EGFLAM: variants seen among roughly 807,000 people sequenced by gnomAD.
EGFLAM encodes EGF like, fibronectin type III and laminin G domains.
EGFLAM carries 79 observed loss-of-function variants against 113.1 expected under a neutral mutation model. The observed-to-expected ratio is 0.70, with a 90% confidence interval of 0.58 to 0.84. EGFLAM has a LOEUF of 0.84. Ranked by LOEUF, EGFLAM falls within the 40% of genes least tolerant of loss-of-function variation. EGFLAM has a pLI of 0.00. For missense variants in EGFLAM, 1,265 were observed against 1,291.6 expected (o/e 0.98, Z 0.32); for synonymous variants, 504 against 487.6 (o/e 1.03, Z -0.44).
At chr5:38,421,167 A>C (rs1273262170) in intron 12 of EGFLAM, among the ~76,000 whole-genome samples, 3 of 152,032 alleles carry the variant, frequency 2.0e-5, no homozygotes, top group African/African-American at 7.2e-5. Flanking sequence ...CTTCCCACTA[A>C]ACCCGTTTTT....
rs898731981 is a variant in EGFLAM at position 38,363,232 on chromosome 5, T to C, written c.546-7064T>C. Among the ~76,000 whole-genome samples the C allele has an allele frequency of 2.6e-5, 4 of 152,272 alleles. No homozygotes were observed. In the East Asian group the frequency reaches 5.8e-4, roughly 22 times the overall value. On this transcript the variant is annotated intron_variant, in intron 5 of 21. Transcript: ENST00000322350. ...AAATTGACTGATTCGGAGGCTCTTC[T>C]GAGCATGAGGTTTCCTCTCACCCCT... is the stretch of plus-strand genomic sequence containing the variant.
rs79671258 is a variant in EGFLAM, at chr5:38,441,745, G to A, written c.2464+3290G>A. Among the ~76,000 whole-genome samples, 887 of 152,242 alleles carry A rather than the reference G, an allele frequency of 5.8e-3. 7 individuals are homozygous for A. The highest frequency in any genetic ancestry group is 0.019 in the African/African-American group (806 of 41,536). ...TCAGAGCCTTTGCTATGCTCTGAGC[G>A]TCTAAGAGGTGAGTACAGGACACAG... On this transcript the variant is annotated intron_variant, in intron 17 of 21. Transcript: ENST00000322350.
At chr5:38,383,031 A>G (rs1259785645) in intron 6 of EGFLAM, among the ~76,000 whole-genome samples, 1 of 152,218 alleles carries the variant, frequency 6.6e-6, no homozygotes, top group Non-Finnish European at 1.5e-5. Context: ...TAGTTCCCAC[A>G]CTTACAGAGC....
intron 1 of EGFLAM, among the ~76,000 whole-genome samples, chr5:38,327,063 G>A (rs1030576733): frequency 1.3e-5 from 2 of 152,212 alleles, no homozygotes; most frequent in African/African-American, 4.8e-5. Flanking sequence ...CTCCCAAACT[G>A]TTGGGATTAC....
At chr5:38,365,919 T>C (rs1457532130) in intron 5 of EGFLAM, among the ~76,000 whole-genome samples, 1 of 152,130 alleles carries the variant, frequency 6.6e-6, no homozygotes, top group African/African-American at 2.4e-5. Context: ...TGCTTTAATA[T>C]AGTCAACGAG....
At chr5:38,399,059 T>C (rs3110226) in intron 6 of EGFLAM, among the ~76,000 whole-genome samples, 60,353 of 151,998 alleles carry the variant, frequency 0.4, 15,830 homozygotes, top group African/African-American at 0.76. Flanking sequence ...ACGTAGCTCA[T>C]TCTAAGAGCC....
chr5:38,382,953 G>C (rs1430649741), intron 6 of EGFLAM, among the ~76,000 whole-genome samples: 1 of 152,162 alleles, frequency 6.6e-6, no homozygotes, highest in East Asian at 1.9e-4. Flanking sequence ...GGATCCTTAG[G>C]GAGTGCAGGG....
chr5:38,434,359 T>C (rs1224181688), intron 15 of EGFLAM, among the ~76,000 whole-genome samples: 1 of 152,234 alleles, frequency 6.6e-6, no homozygotes, highest in East Asian at 1.9e-4. Flanking sequence ...CTTTTACTTG[T>C]CTGTATTCCC....
At position 38,312,804 on chromosome 5, in the gene EGFLAM, C is replaced by T. The variant is rs1261903616; in HGVS notation, c.98-24716C>T. Among the ~76,000 whole-genome samples the T allele has an allele frequency of 5.3e-5, 8 of 151,994 alleles. No homozygotes were observed. The East Asian group carries it at 7.8e-4, about 15-fold the overall frequency. ...ATCTTTAGAGAAAAGTTAAAGTATG[C>T]GGGCTGGGTGCAGTGGCTCACACCT... On this transcript the variant is annotated intron_variant, in intron 1 of 21. Coordinates refer to ENST00000322350, the MANE Select transcript of EGFLAM (RefSeq NM_152403.4).
intron 11 of EGFLAM, among the ~76,000 whole-genome samples, chr5:38,414,230 T>G (rs2112150467): frequency 6.6e-6 from 1 of 152,364 alleles, no homozygotes; most frequent in Middle Eastern, 3.4e-3. Context: ...AGATTGTTTA[T>G]GCTCAGATGG....
At chr5:38,458,052 G>C (rs72742514) in intron 19 of EGFLAM, among the ~76,000 whole-genome samples, 1,646 of 152,162 alleles carry the variant, frequency 0.011, 24 homozygotes, top group Admixed American at 0.034. Flanking sequence ...TTAATGCTGC[G>C]GCACTGTATG....
intron 6 of EGFLAM, among the ~76,000 whole-genome samples, chr5:38,387,866 A>G (rs533484594): frequency 1.8e-4 from 27 of 152,300 alleles, no homozygotes; most frequent in African/African-American, 6.3e-4. Context: ...TAATGTCGCG[A>G]ATGGTTATGG....
chr5:38,396,272 GAGAGA>G (rs1399264659), intron 6 of EGFLAM, among the ~76,000 whole-genome samples: 6 of 152,118 alleles, frequency 3.9e-5, no homozygotes, highest in African/African-American at 1.2e-4. Flanking sequence ...GAGAGAGAGA[GAGAGA>G]GAACCCACCA....
intron 17 of EGFLAM, among the ~76,000 whole-genome samples, chr5:38,446,602 C>A (rs541921968): frequency 1.4e-4 from 22 of 152,310 alleles, no homozygotes; most frequent in African/African-American, 5.1e-4. Flanking sequence ...CCTTCATCTC[C>A]GGCCCTGCTA....
chr5:38,378,126 C>G (rs1740412352), intron 6 of EGFLAM, among the ~76,000 whole-genome samples: 1 of 152,190 alleles, frequency 6.6e-6, no homozygotes, highest in Non-Finnish European at 1.5e-5. Flanking sequence ...CTGAGACAAA[C>G]TCCCTCTGGC....
chr5:38,393,763 G>A (rs527536361), intron 6 of EGFLAM, among the ~76,000 whole-genome samples: 29 of 152,324 alleles, frequency 1.9e-4, no homozygotes, highest in African/African-American at 6.3e-4. Flanking sequence ...CCGCAGCAGC[G>A]TCCAAGCATG....
At chr5:38,406,791 G>C (rs775011030) in intron 7 of EGFLAM, 37 bp from the exon 8 acceptor site, 15 of 1,583,928 alleles carry the variant, frequency 9.5e-6, no homozygotes, top group Non-Finnish European at 1.3e-5. Context: ...GCCATGCTCT[G>C]TGTTCATCTT....
chr5:38,319,287 C>T (rs190996187), intron 1 of EGFLAM, among the ~76,000 whole-genome samples: 29 of 152,210 alleles, frequency 1.9e-4, no homozygotes, highest in Non-Finnish European at 2.6e-4. Flanking sequence ...TGCTTGACCC[C>T]CTGATTTCTT....
chr5:38,409,296 G>C (rs549221592), intron 10 of EGFLAM, among the ~76,000 whole-genome samples, 192 bp downstream of exon 10: 44 of 152,314 alleles, frequency 2.9e-4, no homozygotes, highest in African/African-American at 1.1e-3. Context: ...TAAAACTTGG[G>C]TTTTGGAAAT....
Sources: allele counts gnomAD v4.1 joint callset (sites outside exome capture counted in the v4.1 genomes callset), GRCh38; gene constraint gnomAD v4.1.1; transcripts MANE v1.5; gene names NCBI Gene and HGNC (gene_info 2026-07-23, HGNC 2026-07-21).